Variants in SLC5A10 observed in about 807,000 individuals in gnomAD.
The protein encoded by SLC5A10 is solute carrier family 5 member 10, also known as sodium/mannose cotransporter SLC5A10.
In SLC5A10, 55 loss-of-function variants were observed where a neutral mutation model predicts 68.9. That is an observed-to-expected ratio of 0.80 (90% CI 0.64 to 1.00). SLC5A10 has a LOEUF of 1.00. Among genes scored for constraint, SLC5A10 ranks in the 50% least tolerant of loss-of-function variants. The probability of loss-of-function intolerance (pLI) is 0.00; values close to 1 mark genes in which losing one functional copy is unlikely to be tolerated. For missense variants in SLC5A10, 732 were observed against 819.3 expected (o/e 0.89, Z 1.30); for synonymous variants, 344 against 344.8 (o/e 1.00, Z 0.02).
At chr17:18,986,069 C>T (rs2043261799) in intron 9 of SLC5A10, 1 of 152,434 alleles carries the variant, frequency 6.6e-6, no homozygotes, top group East Asian at 1.9e-4. Flanking sequence ...GGTGGAACCA[C>T]ACACCCAGGA....
chr17:18,950,738 T>C (rs759809878), upstream of SLC5A10: 4 of 971,704 alleles, frequency 4.1e-6, no homozygotes, highest in Non-Finnish European at 4.9e-6. Flanking sequence ...TTTTGTGAGA[T>C]GGAGTCTCCC....
At chr17:18,976,187 C>CAAAAAAAAAGAAAAA (rs2042975910) in intron 8 of SLC5A10, 1 of 108,466 alleles carries the variant, frequency 9.2e-6, no homozygotes, top group African/African-American at 3.5e-5. Flanking sequence ...GACTCCGACT[C>CAAAAAAAAAGAAAAA]AAAAAAAAAG....
intron 9 of SLC5A10, among the ~76,000 whole-genome samples, chr17:19,012,667 G>T (rs781377199): frequency 6.6e-6 from 1 of 152,022 alleles, no homozygotes; most frequent in Non-Finnish European, 1.5e-5. Context: ...GGAGGGACTT[G>T]TGGGGAGGGG....
chr17:18,955,915 C>T (rs1358868861), intron 1 of SLC5A10, among the ~76,000 whole-genome samples: 1 of 152,142 alleles, frequency 6.6e-6, no homozygotes, highest in Non-Finnish European at 1.5e-5. Context: ...AATAAATAGG[C>T]CGGGCGCGGT....
intron 1 of SLC5A10, among the ~76,000 whole-genome samples, chr17:18,956,521 G>C (rs2042507483): frequency 7.1e-6 from 1 of 140,010 alleles, no homozygotes; most frequent in Non-Finnish European, 1.5e-5. Flanking sequence ...CTGCAGCCCA[G>C]GCTGGAGGGC....
chr17:18,977,555 A>T (rs781389324), intron 9 of SLC5A10: 2 of 1,588,618 alleles, frequency 1.3e-6, no homozygotes, highest in Non-Finnish European at 1.7e-6. Flanking sequence ...GGGACTCGTG[A>T]CCCCTGGTGT....
intron 9 of SLC5A10, among the ~76,000 whole-genome samples, chr17:18,991,468 G>A (rs1289599666): frequency 6.6e-6 from 1 of 152,198 alleles, no homozygotes; most frequent in African/African-American, 2.4e-5. Flanking sequence ...AAGCCCACAC[G>A]TCCTCTCAGA....
chr17:18,952,560 T>C (rs1232275112), intron 1 of SLC5A10: 1 of 438,118 alleles, frequency 2.3e-6, no homozygotes, highest in Admixed American at 3.9e-5. Context: ...CTCTAACAGG[T>C]AACTGGGCTT....
At chr17:18,987,170 A>G (rs767482669) in intron 9 of SLC5A10, among the ~76,000 whole-genome samples, 6 of 152,212 alleles carry the variant, frequency 3.9e-5, no homozygotes, top group Admixed American at 6.5e-5. Context: ...TCCTAGGACC[A>G]CAAGCCTGAA....
intron 9 of SLC5A10, among the ~76,000 whole-genome samples, chr17:18,998,903 A>C (rs558246699): frequency 9.2e-5 from 14 of 152,178 alleles, no homozygotes; most frequent in Non-Finnish European, 2.1e-4. Context: ...TCCCCAGGCC[A>C]CAGAGCTCAC....
intron 9 of SLC5A10, among the ~76,000 whole-genome samples, chr17:19,005,642 C>T (rs571155824): frequency 3.0e-4 from 45 of 150,134 alleles, no homozygotes; most frequent in Admixed American, 2.9e-3. Context: ...GCCTTGTGCC[C>T]TCAAACCCCC....
chr17:18,977,504 C>A, intron 9 of SLC5A10: 1 of 1,377,658 alleles, frequency 7.3e-7, no homozygotes, highest in Non-Finnish European at 9.9e-7. Flanking sequence ...ACATGGTAGC[C>A]CAGAAGACAA....
intron 9 of SLC5A10, among the ~76,000 whole-genome samples, chr17:18,990,108 C>T (rs559838301): frequency 2.6e-4 from 40 of 152,292 alleles, no homozygotes; most frequent in Admixed American, 1.1e-3. Flanking sequence ...GCAGGGTCTA[C>T]GACTCGCAGG....
At chr17:18,982,693 G>C (rs2043169967) in intron 9 of SLC5A10, among the ~76,000 whole-genome samples, 1 of 152,148 alleles carries the variant, frequency 6.6e-6, no homozygotes, top group Non-Finnish European at 1.5e-5. Context: ...ATCCCCCCAG[G>C]CCTCCAGGCC....
At chr17:18,998,928 TC>T (rs2043643374) in intron 9 of SLC5A10, among the ~76,000 whole-genome samples, 1 of 152,066 alleles carries the variant, frequency 6.6e-6, no homozygotes, top group Non-Finnish European at 1.5e-5. Flanking sequence ...TTCTTGTGAG[TC>T]CCCGTCCCAG....
At chr17:18,979,132 C>G in intron 9 of SLC5A10, 1 of 542,970 alleles carries the variant, frequency 1.8e-6, no homozygotes, top group South Asian at 2.2e-5. Flanking sequence ...GCCCTGGACA[C>G]TGTGGGGGGT....
At chr17:18,954,947 G>A (rs190353205) in intron 1 of SLC5A10, among the ~76,000 whole-genome samples, 168 of 152,072 alleles carry the variant, frequency 1.1e-3, no homozygotes, top group African/African-American at 3.7e-3. Context: ...TTAGCCAGGC[G>A]TGGTGCCAGG....
At chr17:18,986,766 T>A (rs1340144284) in intron 9 of SLC5A10, among the ~76,000 whole-genome samples, 1 of 152,222 alleles carries the variant, frequency 6.6e-6, no homozygotes, top group Non-Finnish European at 1.5e-5. Flanking sequence ...TGCAAAGCAC[T>A]CGCTGGGCCT....
chr17:18,956,465 G>GTTTTTTTTT (rs750867503), intron 1 of SLC5A10, among the ~76,000 whole-genome samples: 32 of 97,990 alleles, frequency 3.3e-4, no homozygotes, highest in African/African-American at 4.2e-4. Flanking sequence ...TTTTCTTTCT[G>GTTTTTTTTT]TTTTTTTTTT....
Sources: gnomAD v4.1 joint callset for allele counts (sites outside exome capture counted in the v4.1 genomes callset) on GRCh38, gnomAD v4.1.1 for gene constraint, MANE v1.5 for transcripts, NCBI Gene and HGNC (gene_info 2026-07-23, HGNC 2026-07-21) for gene names.